Variants in STARD13 observed in about 807,000 individuals in gnomAD.
STARD13 encodes stAR-related lipid transfer protein 13.
In STARD13, 62 loss-of-function variants were observed where a neutral mutation model predicts 106.4. The ratio of observed to expected loss-of-function variants is 0.58; its 90% CI spans 0.48 to 0.72. The LOEUF (loss-of-function observed/expected upper bound fraction) is 0.72, where lower values mean the gene tolerates loss of function less well. Among genes scored for constraint, STARD13 ranks in the 30% least tolerant of loss-of-function variants. STARD13 has a pLI of 0.00. For synonymous variants in STARD13, 565 were observed against 553.0 expected, an observed-to-expected ratio of 1.02 and a Z score of -0.31; for missense variants, 1,387 against 1,424.0, an observed-to-expected ratio of 0.97 and a Z score of 0.42.
chr13:33,548,807 A>T, the STARD13 span, among the ~76,000 whole-genome samples: 19 of 152,226 alleles, frequency 1.2e-4, no homozygotes, highest in African/African-American at 4.6e-4. Context: ...AATTTTCTGT[A>T]TAAAAATAAT....
chr13:33,263,336 C>T lies in STARD13; in HGVS notation c.169+22134G>A, dbSNP rs1298902857. On this transcript the variant is annotated intron_variant, in intron 1 of 13. Coordinates refer to ENST00000336934, the MANE Select transcript of STARD13 (RefSeq NM_178006.4). ...AATTGTACCTGCTTGCAAGCCTCTG[C>T]TGTAAAGGAGCCCCCTCTCCTTTAA... is the stretch of plus-strand genomic sequence containing the variant. Among the ~76,000 whole-genome samples, 3 of 152,106 alleles carry T rather than the reference C, an allele frequency of 2.0e-5. No individual in the cohort carries two copies. The East Asian group carries it at 5.8e-4, about 29-fold the overall frequency.
chr13:33,126,354 G>T, intron 6 of STARD13, 114 bp from the exon 7 acceptor site: 2 of 995,406 alleles, frequency 2.0e-6, no homozygotes, highest in Admixed American at 3.8e-5. Context: ...AACAGATGCG[G>T]GGTGAATTCA....
At chr13:33,415,159 G>C in the STARD13 span, among the ~76,000 whole-genome samples, 3 of 152,176 alleles carry the variant, frequency 2.0e-5, no homozygotes, top group Admixed American at 2.0e-4. Context: ...ACTAGGTCAG[G>C]AGATCGAGAC....
intron 1 of STARD13, among the ~76,000 whole-genome samples, chr13:33,234,975 C>A (rs1889114242): frequency 6.6e-6 from 1 of 152,122 alleles, no homozygotes; most frequent in Non-Finnish European, 1.5e-5. Context: ...TTTTAAGGAT[C>A]TTATGTATTA....
intron 1 of STARD13, among the ~76,000 whole-genome samples, chr13:33,343,577 T>TAAAA (rs1292508834): frequency 8.1e-5 from 3 of 37,110 alleles, no homozygotes; most frequent in Non-Finnish European, 1.4e-4. Context: ...GACCCTGTCT[T>TAAAA]AAAAAAAAAA....
chr13:33,350,301 C>A, exon 1 of STARD13: 1 of 1,531,692 alleles, frequency 6.5e-7, no homozygotes, highest in Non-Finnish European at 8.7e-7. Flanking sequence ...TGCCAGCCGC[C>A]TCTCCCGGAC....
At chr13:33,177,748 AAAAAAGGAAGG>A (rs1361412608) in intron 1 of STARD13, among the ~76,000 whole-genome samples, 1 of 88,980 alleles carries the variant, frequency 1.1e-5, no homozygotes, top group Non-Finnish European at 2.6e-5. Context: ...GGAAGGAAGG[AAAAAAGGAAGG>A]AAGGAAGGAA....
At chr13:33,294,097 G>A (rs1187316568) in intron 1 of STARD13, among the ~76,000 whole-genome samples, 1 of 152,184 alleles carries the variant, frequency 6.6e-6, no homozygotes, top group African/African-American at 2.4e-5. Flanking sequence ...GGAGGGATGA[G>A]CAAACCTCTT....
chr13:33,466,187 T>C, the STARD13 span, among the ~76,000 whole-genome samples: 8 of 152,332 alleles, frequency 5.3e-5, 1 homozygote, highest in East Asian at 1.5e-3. Context: ...ATTTATGATT[T>C]ACAAGAGATA....
chr13:33,144,089 TC>T (rs1880210488), intron 3 of STARD13, among the ~76,000 whole-genome samples: 1 of 152,186 alleles, frequency 6.6e-6, no homozygotes, highest in South Asian at 2.1e-4. Flanking sequence ...CTGAGGTCCA[TC>T]CCTTTTTACT....
intron 1 of STARD13, among the ~76,000 whole-genome samples, chr13:33,234,613 C>CT (rs1239720896): frequency 3.2e-4 from 48 of 152,148 alleles, no homozygotes; most frequent in Admixed American, 3.1e-3. Flanking sequence ...TTTCTTATAA[C>CT]TTTTTTTGAT....
chr13:33,444,028 A>G, the STARD13 span, among the ~76,000 whole-genome samples: 2 of 152,180 alleles, frequency 1.3e-5, no homozygotes, highest in Non-Finnish European at 2.9e-5. Context: ...AGTTAGCTCT[A>G]TAAACATGAA....
the STARD13 span, among the ~76,000 whole-genome samples, chr13:33,421,800 T>C: frequency 6.6e-6 from 1 of 152,070 alleles, no homozygotes; most frequent in Non-Finnish European, 1.5e-5. Context: ...CATATGCAAA[T>C]CAATAAACAT....
the STARD13 span, among the ~76,000 whole-genome samples, chr13:33,675,550 G>A: frequency 6.6e-6 from 1 of 152,150 alleles, no homozygotes; most frequent in Non-Finnish European, 1.5e-5. Flanking sequence ...CCCTATCAAG[G>A]ATGAGAAAGG....
downstream of STARD13, among the ~76,000 whole-genome samples, chr13:33,346,271 C>G (rs570288546): frequency 1.2e-4 from 19 of 152,290 alleles, no homozygotes; most frequent in African/African-American, 3.8e-4. Flanking sequence ...GCTTGAAGGC[C>G]ATCTTATGAG....
the STARD13 span, among the ~76,000 whole-genome samples, chr13:33,484,203 G>T: frequency 6.6e-6 from 1 of 152,090 alleles, no homozygotes; most frequent in African/African-American, 2.4e-5. Flanking sequence ...TTGGTTTATG[G>T]TTTAAGTGAT....
chr13:33,124,905 C>T (rs187272599), intron 7 of STARD13, among the ~76,000 whole-genome samples: 1 of 152,194 alleles, frequency 6.6e-6, no homozygotes, highest in African/African-American at 2.4e-5. Flanking sequence ...AAACAGCCAT[C>T]CTCACAACAA....
chr13:33,294,133 A>C (rs1055177586), intron 1 of STARD13, among the ~76,000 whole-genome samples: 5 of 152,232 alleles, frequency 3.3e-5, no homozygotes, highest in Non-Finnish European at 4.4e-5. Context: ...GATAAAGGGC[A>C]TAAGAAAATT....
At chr13:33,506,441 A>G in the STARD13 span, among the ~76,000 whole-genome samples, 1 of 152,206 alleles carries the variant, frequency 6.6e-6, no homozygotes, top group South Asian at 2.1e-4. Context: ...AGCTTTCAAG[A>G]GAAAATTAGA....
Sources: gnomAD v4.1 joint callset for allele counts (sites outside exome capture counted in the v4.1 genomes callset) on GRCh38, gnomAD v4.1.1 for gene constraint, MANE v1.5 for transcripts, NCBI Gene and HGNC (gene_info 2026-07-23, HGNC 2026-07-21) for gene names.